Variants in CDH13 observed in about 807,000 individuals in gnomAD.
The protein encoded by CDH13 is cadherin 13.
CDH13 carries 24 observed loss-of-function variants against 63.8 expected under a neutral mutation model. The ratio of observed to expected loss-of-function variants is 0.38; its 90% CI spans 0.27 to 0.53. The LOEUF is 0.53. Ranked by LOEUF, CDH13 falls within the 20% of genes least tolerant of loss-of-function variation. The pLI, the probability that CDH13 is intolerant of heterozygous loss-of-function variation, is 0.85. For synonymous variants in CDH13, 503 were observed against 355.3 expected (o/e 1.42, Z -4.67); for missense variants, 1,049 against 903.1 (o/e 1.16, Z -2.07).
chr16:82,944,181 T>C (rs773504567), intron 2 of CDH13, among the ~76,000 whole-genome samples: 8 of 152,222 alleles, frequency 5.3e-5, no homozygotes, highest in Non-Finnish European at 1.0e-4. Context: ...CACACCTTTC[T>C]TTGTCCAGCA....
intron 2 of CDH13, among the ~76,000 whole-genome samples, chr16:82,931,437 G>C (rs944841193): frequency 1.4e-4 from 21 of 151,880 alleles, no homozygotes; most frequent in Admixed American, 3.9e-4. Flanking sequence ...TTCAACCCTT[G>C]ATGCTATGGG....
At chr16:82,929,651 C>CAGAAAAAAA (rs2042416400) in intron 2 of CDH13, among the ~76,000 whole-genome samples, 1 of 44,272 alleles carries the variant, frequency 2.3e-5, no homozygotes, top group Non-Finnish European at 3.3e-5. Context: ...GACTCCATCT[C>CAGAAAAAAA]AAAAAAAAAA....
At chr16:82,996,396 T>C (rs929700679) in intron 2 of CDH13, among the ~76,000 whole-genome samples, 4 of 152,168 alleles carry the variant, frequency 2.6e-5, no homozygotes, top group Non-Finnish European at 5.9e-5. Context: ...CATACTTCTT[T>C]GTGTGAAGAT....
intron 4 of CDH13, among the ~76,000 whole-genome samples, chr16:83,136,222 G>T (rs368445542): frequency 1.3e-5 from 2 of 151,498 alleles, no homozygotes; most frequent in African/African-American, 4.8e-5. Flanking sequence ...GGTGGCTCAT[G>T]CCTGTAATCC....
chr16:83,401,050 C>G (rs965413857), intron 6 of CDH13, among the ~76,000 whole-genome samples: 1 of 151,990 alleles, frequency 6.6e-6, no homozygotes, highest in African/African-American at 2.4e-5. Flanking sequence ...TTAAAAAATA[C>G]AAAAAATTGG....
intron 2 of CDH13, among the ~76,000 whole-genome samples, chr16:82,981,660 A>G (rs1254825904): frequency 1.3e-5 from 2 of 152,226 alleles, no homozygotes; most frequent in East Asian, 3.8e-4. Context: ...GAAAAACACC[A>G]TAAAATAAAA....
intron 6 of CDH13, among the ~76,000 whole-genome samples, chr16:83,407,846 A>G (rs1443368003): frequency 2.6e-5 from 4 of 152,326 alleles, no homozygotes; most frequent in Non-Finnish European, 5.9e-5. Context: ...ATTGACTTAC[A>G]AATGCGTAAT....
intron 4 of CDH13, among the ~76,000 whole-genome samples, chr16:83,191,923 G>C (rs919128317): frequency 6.6e-6 from 1 of 151,918 alleles, no homozygotes; most frequent in Non-Finnish European, 1.5e-5. Context: ...TCAATACTTT[G>C]CATCCTTCAG....
At chr16:82,978,699 G>T (rs1053488137) in intron 2 of CDH13, among the ~76,000 whole-genome samples, 2 of 152,266 alleles carry the variant, frequency 1.3e-5, no homozygotes, top group African/African-American at 4.8e-5. Flanking sequence ...GTGGAAACAC[G>T]TGATGTCCAG....
chr16:83,476,296 A>G, intron 6 of CDH13, among the ~76,000 whole-genome samples: 1 of 152,214 alleles, frequency 6.6e-6, no homozygotes, highest in East Asian at 1.9e-4. Context: ...ATCCCCAGGC[A>G]TTGCCAAATG....
chr16:83,783,572 T>C, intron 13 of CDH13, 100 bp downstream of exon 13: 1 of 902,386 alleles, frequency 1.1e-6, no homozygotes, highest in South Asian at 1.3e-5. Context: ...AAGAAGATGT[T>C]TCCCAGAAGA....
At chr16:83,548,892 A>G (rs2075437815) in intron 7 of CDH13, among the ~76,000 whole-genome samples, 1 of 152,160 alleles carries the variant, frequency 6.6e-6, no homozygotes, top group South Asian at 2.1e-4. Context: ...AAAATAGACA[A>G]GGGTAAAAGA....
chr16:82,863,277 G>C (rs1439636190), intron 2 of CDH13, among the ~76,000 whole-genome samples: 2 of 152,184 alleles, frequency 1.3e-5, no homozygotes, highest in Non-Finnish European at 2.9e-5. Context: ...ACTATGTCCT[G>C]CTTTCCTTAG....
intron 2 of CDH13, among the ~76,000 whole-genome samples, chr16:82,868,128 G>A (rs923234684): frequency 5.3e-5 from 8 of 152,204 alleles, no homozygotes; most frequent in Non-Finnish European, 8.8e-5. Flanking sequence ...AGCTGGACAA[G>A]GTTGGGGTTT....
intron 1 of CDH13, among the ~76,000 whole-genome samples, chr16:82,840,288 TGAG>T (rs200371456): frequency 0.014 from 2,091 of 151,722 alleles, 31 homozygotes; most frequent in Middle Eastern, 0.075. Context: ...GTCCTTAGTC[TGAG>T]GAGACCAGCA....
intron 7 of CDH13, among the ~76,000 whole-genome samples, chr16:83,508,873 C>G (rs527553569): frequency 2.6e-5 from 4 of 152,156 alleles, no homozygotes; most frequent in Non-Finnish European, 5.9e-5. Context: ...CACAAGGTAC[C>G]GTGTAGAGCT....
intron 5 of CDH13, among the ~76,000 whole-genome samples, chr16:83,237,701 T>C (rs1355615465): frequency 6.6e-6 from 1 of 152,238 alleles, no homozygotes; most frequent in Non-Finnish European, 1.5e-5. Context: ...TCCCTTGCTA[T>C]GTAATTTGAG....
Position 82,819,802 on chromosome 16 carries a change from C to T in CDH13, c.46-38560C>T, listed in dbSNP as rs563675075. On this transcript the variant is annotated intron_variant, in intron 1 of 13. Transcript: ENST00000567109. ...ATCAATGAATAAATACGGCAAAGAT[C>T]CCTATGCTTGTAGAACTGACATTCT... Among the ~76,000 whole-genome samples the T allele has an allele frequency of 1.3e-3, 204 of 152,260 alleles. 1 individual carries two copies. The highest frequency in any genetic ancestry group is 2.2e-3 in the Admixed American group (33 of 15,302).
intron 1 of CDH13, among the ~76,000 whole-genome samples, chr16:82,696,801 G>A (rs1253488715): frequency 1.3e-5 from 2 of 152,166 alleles, no homozygotes; most frequent in Non-Finnish European, 2.9e-5. Flanking sequence ...TTGCAATGAG[G>A]TACTTGTAGT....
Sources: gnomAD v4.1 joint callset for allele counts (sites outside exome capture counted in the v4.1 genomes callset) on GRCh38, gnomAD v4.1.1 for gene constraint, MANE v1.5 for transcripts, NCBI Gene and HGNC (gene_info 2026-07-23, HGNC 2026-07-21) for gene names.